The following TANC2 variants were observed in gnomAD, a reference collection of about 807,000 sequenced individuals.
The protein encoded by TANC2 is protein TANC2.
Under a neutral mutation model 210.5 loss-of-function variants are expected in TANC2, and 26 were observed. That is an observed-to-expected ratio of 0.12 (90% CI 0.09 to 0.17). The LOEUF is 0.17. Ranked by LOEUF, TANC2 falls within the 10% of genes least tolerant of loss-of-function variation. The pLI is 1.00. For synonymous variants in TANC2, 931 were observed against 967.1 expected (o/e 0.96, Z 0.69); for missense variants, 2,129 against 2,608.9 (o/e 0.82, Z 4.01).
intron 1 of TANC2, among the ~76,000 whole-genome samples, chr17:62,970,321 A>G (rs1023623172): frequency 2.0e-4 from 30 of 152,316 alleles, no homozygotes; most frequent in South Asian, 2.1e-4. Context: ...CACTCAGACT[A>G]TGCTTTGTAT....
At chr17:63,219,303 A>G (rs868619565) in intron 7 of TANC2, among the ~76,000 whole-genome samples, 2 of 151,716 alleles carry the variant, frequency 1.3e-5, no homozygotes, top group African/African-American at 4.9e-5. Context: ...ATTTTAAATT[A>G]TTATATAAAT....
chr17:63,316,756 C>T (rs527478591), intron 10 of TANC2, among the ~76,000 whole-genome samples: 1 of 152,092 alleles, frequency 6.6e-6, no homozygotes, highest in African/African-American at 2.4e-5. Context: ...CTATATTCTA[C>T]CAGTGCCATC....
intron 4 of TANC2, among the ~76,000 whole-genome samples, chr17:63,102,066 C>T (rs372611277): frequency 1.2e-4 from 18 of 152,136 alleles, no homozygotes; most frequent in Admixed American, 3.9e-4. Flanking sequence ...TTTCAGAGGC[C>T]GAGGCAGGAA....
intron 7 of TANC2, among the ~76,000 whole-genome samples, chr17:63,229,352 A>G (rs1227894502): frequency 1.3e-5 from 2 of 152,276 alleles, no homozygotes; most frequent in South Asian, 4.1e-4. Context: ...TTTTTCCGTC[A>G]ATATGCATCA....
At chr17:63,012,013 A>G (rs2033896687) in intron 2 of TANC2, among the ~76,000 whole-genome samples, 1 of 148,642 alleles carries the variant, frequency 6.7e-6, no homozygotes, top group South Asian at 2.1e-4. Flanking sequence ...TGTGTTGATC[A>G]AAACTTTTTT....
intron 14 of TANC2, among the ~76,000 whole-genome samples, chr17:63,370,667 T>G (rs534945432): frequency 7.9e-5 from 12 of 152,186 alleles, no homozygotes; most frequent in Non-Finnish European, 1.8e-4. Flanking sequence ...GCACCACATG[T>G]TTTGGAAGAG....
At chr17:63,346,997 C>T (rs1393405329) in intron 12 of TANC2, among the ~76,000 whole-genome samples, 2 of 152,118 alleles carry the variant, frequency 1.3e-5, no homozygotes, top group South Asian at 2.1e-4. Flanking sequence ...TGAGCCACCA[C>T]ACCCAGCCAA....
At chr17:63,413,338 C>T (rs1486099542) in intron 24 of TANC2, 4 of 481,246 alleles carry the variant, frequency 8.3e-6, no homozygotes, top group Non-Finnish European at 1.5e-5. Context: ...TTCAAGTATT[C>T]TTATTTTAAG....
intron 9 of TANC2, among the ~76,000 whole-genome samples, chr17:63,291,308 T>C (rs1444543752): frequency 6.6e-6 from 1 of 152,234 alleles, no homozygotes; most frequent in Non-Finnish European, 1.5e-5. Context: ...TTTCAAAGGC[T>C]GGGTTTGCAT....
chr17:63,360,524 C>CAT (rs371964148), intron 14 of TANC2, among the ~76,000 whole-genome samples: 88 of 150,394 alleles, frequency 5.9e-4, no homozygotes, highest in Admixed American at 1.4e-3. Flanking sequence ...TACATACATA[C>CAT]ATATATATAT....
At chr17:63,032,479 A>G (rs971320403) in intron 2 of TANC2, among the ~76,000 whole-genome samples, 2 of 152,100 alleles carry the variant, frequency 1.3e-5, no homozygotes, top group Non-Finnish European at 2.9e-5. Flanking sequence ...GCAAAATGAC[A>G]TGCCATCTGT....
chr17:63,363,332 T>C (rs1466700999), intron 14 of TANC2, among the ~76,000 whole-genome samples: 1 of 152,232 alleles, frequency 6.6e-6, no homozygotes, highest in Non-Finnish European at 1.5e-5. Context: ...TGTTGTTTCC[T>C]TCCTTTGCTG....
At chr17:63,008,837 G>A (rs2033737553) in intron 1 of TANC2, among the ~76,000 whole-genome samples, 1 of 143,114 alleles carries the variant, frequency 7.0e-6, no homozygotes, top group Non-Finnish European at 1.5e-5. Flanking sequence ...TCTAGAATGT[G>A]TGTGTGGTGG....
intron 9 of TANC2, among the ~76,000 whole-genome samples, chr17:63,300,561 C>T (rs1486636859): frequency 6.6e-6 from 1 of 152,052 alleles, no homozygotes; most frequent in Non-Finnish European, 1.5e-5. Flanking sequence ...GGAGTTCATC[C>T]ATGATTTGGC....
At chr17:63,135,855 T>C (rs765440905) in intron 4 of TANC2, among the ~76,000 whole-genome samples, 2 of 152,182 alleles carry the variant, frequency 1.3e-5, no homozygotes, top group African/African-American at 4.8e-5. Flanking sequence ...TAGTACTCTT[T>C]AGATATACGG....
intron 8 of TANC2, among the ~76,000 whole-genome samples, chr17:63,242,347 A>C (rs1231647900): frequency 6.6e-6 from 1 of 152,026 alleles, no homozygotes; most frequent in Non-Finnish European, 1.5e-5. Flanking sequence ...TACACCTAAT[A>C]TCTCTCTCCA....
chr17:63,412,651 C>A lies in TANC2; in HGVS notation c.3899-29C>A. 5 of 1,494,498 alleles carry A rather than the reference C, an allele frequency of 3.3e-6. No homozygotes were observed. Among genetic ancestry groups the A allele is most frequent in the Non-Finnish European group, 4.5e-6 (5 of 1,113,064 alleles). 92.6% of individuals were successfully genotyped at this position (1,494,498 alleles called of 1,614,324 possible). A position where few individuals can be genotyped will look rare whatever the true frequency, so the allele number is the denominator to read the frequency against. On this transcript the variant is annotated intron_variant, in intron 23 of 27. Coordinates refer to ENST00000689528, the Ensembl canonical transcript of TANC2. This position sits in a 1 kb window ranked among gnomAD's most constrained non-coding sequence, Gnocchi z 4.2. ...TCATCCATTTTTTTTTCCTCTCCTA[C>A]AACTTTTTGTTTTCTCCTTTCTTTG...
At chr17:63,176,604 G>A (rs1490123350) in intron 5 of TANC2, among the ~76,000 whole-genome samples, 2 of 152,086 alleles carry the variant, frequency 1.3e-5, no homozygotes, top group East Asian at 1.9e-4. Flanking sequence ...AGAAGATCGA[G>A]ACCATCGTGG....
intron 7 of TANC2, among the ~76,000 whole-genome samples, chr17:63,216,607 G>A (rs948578680): frequency 3.9e-5 from 6 of 152,160 alleles, no homozygotes; most frequent in Non-Finnish European, 7.3e-5. Context: ...CCCTTAACCT[G>A]TGGAGTCTGT....
Sources: allele counts gnomAD v4.1 joint callset (sites outside exome capture counted in the v4.1 genomes callset), GRCh38; gene constraint gnomAD v4.1.1; non-coding constraint Gnocchi (gnomAD v3.1); transcripts MANE v1.5; gene names NCBI Gene and HGNC (gene_info 2026-07-23, HGNC 2026-07-21).